The following GNB1L variants were observed in gnomAD, a reference collection of about 807,000 sequenced individuals.
GNB1L encodes the protein guanine nucleotide-binding protein subunit beta-like protein 1.
Under a neutral mutation model 29.1 loss-of-function variants are expected in GNB1L, and 20 were observed. The ratio of observed to expected loss-of-function variants is 0.69; its 90% CI spans 0.48 to 1.00. The LOEUF is 1.00. GNB1L is among the 50% of genes least tolerant of loss of function. GNB1L has a pLI of 0.00. For synonymous variants in GNB1L, 193 were observed against 206.5 expected (o/e 0.93, Z 0.56); for missense variants, 421 against 464.9 (o/e 0.91, Z 0.87).
chr22:19,796,548 G>GA (rs1045508598), intron 7 of GNB1L, among the ~76,000 whole-genome samples: 1 of 152,088 alleles, frequency 6.6e-6, no homozygotes, highest in Admixed American at 6.6e-5. Context: ...AATAACTGGG[G>GA]AAAAAAATCA....
Position 19,788,526 on chromosome 22 carries a change from C to A in GNB1L, c.*183G>T. On this transcript the variant is annotated 3_prime_UTR_variant, in exon 8 of 8. Transcript: ENST00000329517. ...GGGCTCTGGCTGGCCCCCAGAGTCA[C>A]CGTCCTGTGATGAGGCACTCCACAA... 1 of 817,682 alleles carries A rather than the reference C, an allele frequency of 1.2e-6. No homozygotes were observed. Among genetic ancestry groups the A allele is most frequent in the Non-Finnish European group, 2.1e-6 (1 of 474,300 alleles). 50.7% of individuals were successfully genotyped at this position (817,682 alleles called of 1,614,324 possible).
At chr22:19,833,883 T>C (rs1047388277) in intron 2 of GNB1L, among the ~76,000 whole-genome samples, 1 of 149,806 alleles carries the variant, frequency 6.7e-6, no homozygotes, top group African/African-American at 2.4e-5. Flanking sequence ...AAAACAATAA[T>C]AATAATAATA....
At chr22:19,849,218 T>C in intron 2 of GNB1L, 1 of 985,374 alleles carries the variant, frequency 1.0e-6, no homozygotes. Context: ...CCCACCTATT[T>C]CCAAGGTTTC....
At chr22:19,813,636 C>T (rs930729205) in intron 4 of GNB1L, among the ~76,000 whole-genome samples, 1 of 152,058 alleles carries the variant, frequency 6.6e-6, no homozygotes, top group African/African-American at 2.4e-5. Context: ...TGTGGTGAGC[C>T]AAGATTGCAC....
Position 19,816,393 on chromosome 22 carries a change from G to A in GNB1L, c.255-3946C>T, listed in dbSNP as rs541178988. Reference sequence around the variant, plus strand: ...GCCCAGGCTAATGGGAGTCCCTGCAGGCTGGCTCAGAATCCTCTGACGTGG... The same window carrying A: ...GCCCAGGCTAATGGGAGTCCCTGCAAGCTGGCTCAGAATCCTCTGACGTGG... On this transcript the variant is annotated intron_variant, in intron 4 of 7. Coordinates refer to ENST00000329517, the MANE Select transcript of GNB1L (RefSeq NM_053004.3). The surrounding 1 kb of genome is among the most constrained non-coding windows in gnomAD (Gnocchi z 4.4). Among the ~76,000 whole-genome samples the A allele has an allele frequency of 6.6e-6, 1 of 152,308 alleles. No individual in the cohort carries two copies. The highest frequency in any genetic ancestry group is 6.5e-5 in the Admixed American group (1 of 15,296).
At chr22:19,812,718 C>G (rs1295859625) in intron 4 of GNB1L, among the ~76,000 whole-genome samples, 1 of 152,188 alleles carries the variant, frequency 6.6e-6, no homozygotes, top group Non-Finnish European at 1.5e-5. Flanking sequence ...TGGGGGACAC[C>G]AACCCTGCAG....
intron 2 of GNB1L, among the ~76,000 whole-genome samples, chr22:19,826,682 C>A (rs560978954): frequency 2.0e-5 from 3 of 152,298 alleles, no homozygotes; most frequent in Non-Finnish European, 4.4e-5. Flanking sequence ...GTTTACTGAT[C>A]ACAAAAGGAA....
intron 2 of GNB1L, among the ~76,000 whole-genome samples, chr22:19,824,947 G>A (rs1001185976): frequency 6.6e-6 from 1 of 152,240 alleles, no homozygotes; most frequent in Admixed American, 6.5e-5. Context: ...CTGCCCTCGG[G>A]CTGCACAGCC....
At chr22:19,828,262 T>C (rs1206349973) in intron 2 of GNB1L, among the ~76,000 whole-genome samples, 1 of 152,016 alleles carries the variant, frequency 6.6e-6, no homozygotes, top group Non-Finnish European at 1.5e-5. Context: ...AAAGTAGGGG[T>C]TGAAATACTA....
intron 5 of GNB1L, 41 bp downstream of exon 5, chr22:19,812,244 C>T (rs1314495257): frequency 2.5e-6 from 4 of 1,596,480 alleles, no homozygotes; most frequent in African/African-American, 1.3e-5. Flanking sequence ...ATGAGCACAA[C>T]TGTTTGGAGA....
chr22:19,798,951 C>T (rs1937337518), intron 7 of GNB1L, among the ~76,000 whole-genome samples: 1 of 152,178 alleles, frequency 6.6e-6, no homozygotes, highest in Non-Finnish European at 1.5e-5. Flanking sequence ...CTGCACAAGC[C>T]TCTCCTCCTG....
At chr22:19,851,554 G>T (rs543070038) in intron 2 of GNB1L, 2 of 1,613,040 alleles carry the variant, frequency 1.2e-6, no homozygotes, top group South Asian at 1.1e-5. Context: ...TGGCCATGGC[G>T]GCTGGTAAAG....
intron 5 of GNB1L, among the ~76,000 whole-genome samples, chr22:19,807,198 C>G (rs1320838429): frequency 6.6e-6 from 1 of 152,226 alleles, no homozygotes. Flanking sequence ...TCCGGGAAAC[C>G]TGGCTCCCCC....
intron 2 of GNB1L, among the ~76,000 whole-genome samples, chr22:19,835,826 G>A (rs562248021): frequency 1.3e-5 from 2 of 152,184 alleles, no homozygotes; most frequent in African/African-American, 4.8e-5. Flanking sequence ...GGGTTCAAGA[G>A]GAAGTCCCAA....
rs1392581274 is a variant in GNB1L at position 19,835,440 on chromosome 22, G to A, written c.-20-14065C>T. 2.0e-5 allele frequency among the ~76,000 whole-genome samples: 3 copies of A among 151,668 alleles called. No homozygotes were observed. In the East Asian group the frequency reaches 5.8e-4, roughly 29 times the overall value. ...CACGCCTGTAATCCCAGCACTTTGG[G>A]AGGTCGAGGCAGGCAGATCACGAGG... On this transcript the variant is annotated intron_variant, in intron 2 of 7. Coordinates refer to ENST00000329517, the MANE Select transcript of GNB1L (RefSeq NM_053004.3).
chr22:19,836,573 A>G (rs1289738449), intron 2 of GNB1L, among the ~76,000 whole-genome samples: 2 of 152,244 alleles, frequency 1.3e-5, no homozygotes, highest in Admixed American at 6.5e-5. Context: ...AGACAAAGTT[A>G]GTAGAAAGAG....
chr22:19,815,303 C>T (rs1007549643), intron 4 of GNB1L, among the ~76,000 whole-genome samples: 7 of 152,210 alleles, frequency 4.6e-5, no homozygotes, highest in African/African-American at 9.7e-5. Context: ...CTGGGCAACT[C>T]GGTCCCGTCC....
intron 2 of GNB1L, among the ~76,000 whole-genome samples, chr22:19,830,662 C>A (rs1454553114): frequency 6.6e-6 from 1 of 152,200 alleles, no homozygotes; most frequent in East Asian, 1.9e-4. Context: ...GAAACACCAG[C>A]AAGCTTCTTT....
intron 2 of GNB1L, chr22:19,850,696 C>A: frequency 8.1e-7 from 1 of 1,233,478 alleles, no homozygotes. Context: ...TCACAGGGAG[C>A]AGAGAGGGTG....
Sources: gnomAD v4.1 joint callset for allele counts (sites outside exome capture counted in the v4.1 genomes callset) on GRCh38, gnomAD v4.1.1 for gene constraint, Gnocchi (gnomAD v3.1) non-coding constraint, MANE v1.5 for transcripts, NCBI Gene and HGNC (gene_info 2026-07-23, HGNC 2026-07-21) for gene names.